The following SFMBT1 variants were observed in gnomAD, a reference collection of about 807,000 sequenced individuals.
SFMBT1 encodes Scm like with four mbt domains 1.
In SFMBT1, 32 loss-of-function variants were observed where a neutral mutation model predicts 108.7. The observed-to-expected ratio is 0.29, with a 90% CI of 0.22 to 0.40. The LOEUF (loss-of-function observed/expected upper bound fraction) is 0.40, where lower values mean the gene tolerates loss of function less well. Among genes scored for constraint, SFMBT1 ranks in the 10% least tolerant of loss-of-function variants. SFMBT1 has a pLI of 1.00. For missense variants in SFMBT1, 816 were observed against 1,059.6 expected (o/e 0.77, Z 3.19); for synonymous variants, 348 against 369.5 (o/e 0.94, Z 0.67).
At chr3:53,009,237 G>A (rs1394264398) in intron 1 of SFMBT1, among the ~76,000 whole-genome samples, 3 of 151,598 alleles carry the variant, frequency 2.0e-5, no homozygotes, top group African/African-American at 7.3e-5. Context: ...ACTTAAGGTC[G>A]GGAGTTCAAG....
chr3:52,932,063 T>G lies in SFMBT1; in HGVS notation c.699A>C (p.Ser233=). 6.2e-7 allele frequency: 1 copy of G among 1,613,492 alleles called. No homozygotes were observed. Among genetic ancestry groups the G allele is most frequent in the Non-Finnish European group, 8.5e-7 (1 of 1,179,706 alleles). ...AQQGYELQPP[S]AIRHLKNEAE... ...GAAAAATGTCCTATTACTCTTCACC[T>G]GAAGGGGGCTGAAGCTCATATCCCT... The change falls in exon 6 of 21, where the codon TCA becomes TCC. Residue 233 remains serine (S), a splice_region_variant and synonymous_variant. Coordinates refer to ENST00000394752, the MANE Select transcript of SFMBT1 (RefSeq NM_016329.4).
At chr3:53,001,923 TCTCACA>T (rs1391821649) in intron 1 of SFMBT1, among the ~76,000 whole-genome samples, 1 of 67,036 alleles carries the variant, frequency 1.5e-5, no homozygotes, top group Non-Finnish European at 3.2e-5. Flanking sequence ...AGACCCAGTC[TCTCACA>T]CACACACACA....
intron 17 of SFMBT1, among the ~76,000 whole-genome samples, chr3:52,910,790 A>G (rs1702196035): frequency 6.6e-6 from 1 of 152,220 alleles, no homozygotes; most frequent in African/African-American, 2.4e-5. Context: ...CACCCGGCCA[A>G]AAGGGTTCTT....
chr3:52,918,365 C>A, intron 13 of SFMBT1, 119 bp downstream of exon 13: 1 of 734,030 alleles, frequency 1.4e-6, no homozygotes. Flanking sequence ...TACAAATGAT[C>A]AAATGTTGAA....
intron 2 of SFMBT1, among the ~76,000 whole-genome samples, 198 bp downstream of exon 2, chr3:52,968,901 AAC>A (rs1378033104): frequency 6.6e-6 from 1 of 152,088 alleles, no homozygotes; most frequent in African/African-American, 2.4e-5. Context: ...CCTTGTTCAT[AAC>A]AGTTTCTTAT....
At position 52,911,182 on chromosome 3, in the gene SFMBT1, C is replaced by A; in HGVS notation, c.1731-4G>T. 1 of 1,594,042 alleles carries A rather than the reference C, an allele frequency of 6.3e-7. No homozygotes were observed. The highest frequency in any genetic ancestry group is 8.5e-7 in the Non-Finnish European group (1 of 1,170,610). Reference sequence around the variant, plus strand: ...CCGATAACTCTTTCCTTTATATCTGCCATTGGAAGACATCAGATGCCAAAT... The same window carrying A: ...CCGATAACTCTTTCCTTTATATCTGACATTGGAAGACATCAGATGCCAAAT... On this transcript the variant is annotated splice_polypyrimidine_tract_variant and splice_region_variant and intron_variant, in intron 16 of 20. Transcript: ENST00000394752.
In SFMBT1 at chr3:52,943,365, C is replaced by G. The variant is rs553226022; in HGVS notation, c.352G>C (p.Glu118Gln). 51 of 1,614,188 alleles carry G rather than the reference C, an allele frequency of 3.2e-5. No individual in the cohort carries two copies. The Middle Eastern group carries it at 1.2e-3, about 37-fold the overall frequency. The part of the protein sequence containing the change: ...GWCEQNKKTL[E>Q]APEGIRDKVS... ...AGTATTTCATTACCTTCTGGGGCTT[C>G]AAGGGTCTTCTTATTCTGCTCACAC... is the stretch of plus-strand genomic sequence containing the variant. Residue 118 changes from glutamate (E) to glutamine (Q), a missense_variant, in exon 4 of 21, where the codon GAA becomes CAA. By Grantham distance (29) the Glu-to-Gln change is conservative (BLOSUM62 2). Coordinates refer to ENST00000394752, the MANE Select transcript of SFMBT1 (RefSeq NM_016329.4).
rs1479542408 is a variant in SFMBT1, at chr3:52,943,417, C to T, written c.300G>A (p.Arg100=). The change falls in exon 4 of 21, where the codon AGG becomes AGA. Residue 100 remains arginine (R), a synonymous_variant. Coordinates refer to ENST00000394752, the MANE Select transcript of SFMBT1 (RefSeq NM_016329.4). ...ACCCAATGGGGTAGAGATCAGCCTT[C>T]CTGATGTCACACCAGAAATCTGCTC... is the stretch of plus-strand genomic sequence containing the variant. ...DRRADFWCDI[R]KADLYPIGWC... is the part of the protein sequence containing the mutation. The T allele has an allele frequency of 2.5e-6, 4 of 1,614,080 alleles. No homozygotes were observed. Among genetic ancestry groups the T allele is most frequent in the Non-Finnish European group, 2.5e-6 (3 of 1,180,030 alleles).
intron 2 of SFMBT1, among the ~76,000 whole-genome samples, chr3:52,958,939 T>C (rs1703871609): frequency 6.6e-6 from 1 of 152,186 alleles, no homozygotes; most frequent in Admixed American, 6.5e-5. Flanking sequence ...TGGAATACTA[T>C]GCAGCCATAA....
intron 1 of SFMBT1, among the ~76,000 whole-genome samples, chr3:53,030,033 T>C (rs1559555804): frequency 6.6e-6 from 1 of 152,156 alleles, no homozygotes; most frequent in Non-Finnish European, 1.5e-5. Flanking sequence ...AAACTTTTCT[T>C]AATCCAAGCA....
At chr3:52,906,941 A>C (rs1702078470) in intron 19 of SFMBT1, 128 bp downstream of exon 19, 1 of 1,230,844 alleles carries the variant, frequency 8.1e-7, no homozygotes, top group Non-Finnish European at 1.1e-6. Context: ...TCACTTTACA[A>C]GAGACCCTGG....
At chr3:52,963,096 A>AG (rs1189118229) in intron 2 of SFMBT1, among the ~76,000 whole-genome samples, 2 of 151,198 alleles carry the variant, frequency 1.3e-5, no homozygotes, top group Admixed American at 1.3e-4. Flanking sequence ...TGGGTACAAG[A>AG]GGTTCTCTTG....
At chr3:53,033,111 C>T (rs1047113267) in intron 1 of SFMBT1, among the ~76,000 whole-genome samples, 17 of 151,878 alleles carry the variant, frequency 1.1e-4, no homozygotes, top group African/African-American at 4.1e-4. Flanking sequence ...AGTTTGAGAC[C>T]AGCCTGGGCA....
chr3:52,913,667 C>T (rs774410625), intron 14 of SFMBT1, 50 bp from the exon 15 acceptor site: 19 of 1,591,224 alleles, frequency 1.2e-5, no homozygotes, highest in Admixed American at 5.2e-5. Context: ...CTCTACCCCA[C>T]GTTTCCAAAG....
Position 52,921,574 on chromosome 3 carries a change from G to A in SFMBT1, c.1258+131C>T, listed in dbSNP as rs2106780530. The A allele has an allele frequency of 4.1e-6, 4 of 976,374 alleles. No individual in the cohort carries two copies. Among genetic ancestry groups the A allele is most frequent in the East Asian group, 5.3e-5 (2 of 38,086 alleles). 60.5% of individuals were successfully genotyped at this position (976,374 alleles called of 1,614,324 possible). A position where few individuals can be genotyped will look rare whatever the true frequency, so the allele number is the denominator to read the frequency against. On this transcript the variant is annotated intron_variant, in intron 11 of 20. Coordinates refer to ENST00000394752, the MANE Select transcript of SFMBT1 (RefSeq NM_016329.4). The stretch of plus-strand genomic sequence containing the variant: ...AAATAAATATTTCGCTTAGAGTCTT[G>A]CATTACAAAAGTCTCTGAACAAGAT...
intron 3 of SFMBT1, among the ~76,000 whole-genome samples, chr3:52,953,912 G>A (rs1204515847): frequency 4.6e-5 from 7 of 151,980 alleles, no homozygotes; most frequent in South Asian, 2.1e-4. Flanking sequence ...GGAGGATCAC[G>A]CGGTCAGGAG....
intron 4 of SFMBT1, among the ~76,000 whole-genome samples, chr3:52,936,687 G>A (rs1412521116): frequency 6.6e-6 from 1 of 152,154 alleles, no homozygotes; most frequent in Non-Finnish European, 1.5e-5. Context: ...CATGGAAATG[G>A]TATTTAGAGA....
chr3:52,926,469 T>G (rs1702662329), intron 9 of SFMBT1, among the ~76,000 whole-genome samples: 1 of 152,168 alleles, frequency 6.6e-6, no homozygotes, highest in Admixed American at 6.5e-5. Flanking sequence ...AATCCACTCT[T>G]ATTGTCAATT....
intron 19 of SFMBT1, 100 bp downstream of exon 19, chr3:52,906,969 G>A (rs1431425402): frequency 7.9e-6 from 11 of 1,394,652 alleles, no homozygotes; most frequent in Non-Finnish European, 1.1e-5. Flanking sequence ...ACATAAGTCT[G>A]TATTGAAAGA....
Sources: gnomAD v4.1 joint callset for allele counts (sites outside exome capture counted in the v4.1 genomes callset) on GRCh38, gnomAD v4.1.1 for gene constraint, MANE v1.5 for transcripts, NCBI Gene and HGNC (gene_info 2026-07-23, HGNC 2026-07-21) for gene names.